PANK2: variants seen among roughly 807,000 people sequenced by gnomAD.
PANK2 encodes the protein pantothenate kinase 2.
In PANK2, 36 loss-of-function variants were observed where a neutral mutation model predicts 43.1. The observed-to-expected ratio is 0.84, with a 90% confidence interval of 0.64 to 1.10. The LOEUF (loss-of-function observed/expected upper bound fraction) is 1.10, where lower values mean the gene tolerates loss of function less well. Among genes scored for constraint, PANK2 ranks in the 50% least tolerant of loss-of-function variants. PANK2 has a pLI of 0.00. For synonymous variants in PANK2, 281 were observed against 238.2 expected, an observed-to-expected ratio of 1.18 and a Z score of -1.66; for missense variants, 576 against 593.3, an observed-to-expected ratio of 0.97 and a Z score of 0.30.
intron 6 of PANK2, 47 bp from the exon 7 acceptor site, chr20:3,923,197 A>G (rs778782322): frequency 6.2e-6 from 10 of 1,602,124 alleles, no homozygotes; most frequent in East Asian, 2.2e-5. Flanking sequence ...GGTGATTTGA[A>G]TAAGTCTAAG....
In PANK2 at chr20:3,907,952, G is replaced by A. The variant is rs1209839076; in HGVS notation, c.325G>A (p.Gly109Ser). 10 of 1,613,934 alleles carry A rather than the reference G, an allele frequency of 6.2e-6. No individual in the cohort carries two copies. The East Asian group carries it at 6.7e-5, about 11-fold the overall frequency. The change falls in exon 2 of 7, where the codon GGT (glycine) becomes AGT (serine). Residue 109 changes from glycine to serine, a missense_variant. Coordinates refer to ENST00000610179, the MANE Select transcript of PANK2 (RefSeq NM_001386393.1). ...TTTTCCATGGTTTGGACTGGATATC[G>A]GTGGAACTCTGGTCAAGCTGGTATA...
rs148299149 is a variant in PANK2, at chr20:3,894,982, T to C, written c.298+5254T>C. Among the ~76,000 whole-genome samples the C allele has an allele frequency of 4.6e-5, 7 of 152,238 alleles. No individual in the cohort carries two copies. The East Asian group carries it at 1.3e-3, about 29-fold the overall frequency. ...CATAGCAGGAAGAGATGTATGTTGT[T>C]AAAAATATTTTGCTGACTGTGTATG... On this transcript the variant is annotated intron_variant, in intron 1 of 6. Transcript: ENST00000610179.
chr20:3,908,389 A>G (rs919276714), intron 2 of PANK2, 111 bp downstream of exon 2: 38 of 1,075,094 alleles, frequency 3.5e-5, no homozygotes, highest in Non-Finnish European at 4.7e-5. Flanking sequence ...AATTTTCTTG[A>G]GTCAAATGAA....
chr20:3,928,002 T>C lies in PANK2; in HGVS notation c.*4708T>C, dbSNP rs1407416049. 2 of 152,180 alleles carry C rather than the reference T, an allele frequency of 1.3e-5. No individual in the cohort carries two copies. Among genetic ancestry groups the C allele is most frequent in the African/African-American group, 4.8e-5 (2 of 41,424 alleles). The allele number at this position is 152,180 out of a possible 1,614,324, so 9.4% of individuals were successfully genotyped here. A position where few individuals can be genotyped will look rare whatever the true frequency, so the allele number is the denominator to read the frequency against. On this transcript the variant is annotated 3_prime_UTR_variant, in exon 7 of 7. Transcript: ENST00000610179. ...TAAGGTTTACTACACAAGCCCCTCT[T>C]TTTCTTCTGATATCCCCACTCAAAT...
rs1197271966 is a variant in PANK2 at position 3,890,032 on chromosome 20, T to G, written c.298+304T>G. The G allele has an allele frequency of 5.1e-6, 5 of 971,764 alleles. No homozygotes were observed. In the Admixed American group the frequency reaches 8.8e-5, roughly 17 times the overall value. The allele number at this position is 971,764 out of a possible 1,614,324, so 60.2% of individuals were successfully genotyped here. Reference sequence around the variant, plus strand: ...ATTCTCTTCCTGAGGGTCACATGATTTTATCCTCGAGAAGGCTTCTTTTGA... The same window carrying G: ...ATTCTCTTCCTGAGGGTCACATGATGTTATCCTCGAGAAGGCTTCTTTTGA... On this transcript the variant is annotated intron_variant, in intron 1 of 6. Coordinates refer to ENST00000610179, the MANE Select transcript of PANK2 (RefSeq NM_001386393.1).
At chr20:3,894,225 C>G (rs546413335) in intron 1 of PANK2, among the ~76,000 whole-genome samples, 263 of 150,696 alleles carry the variant, frequency 1.7e-3, no homozygotes, top group Non-Finnish European at 3.2e-3. Context: ...GCCACCGTGC[C>G]TGACCGAAAA....
At chr20:3,921,403 T>C (rs2090645125) in intron 6 of PANK2, 1 of 152,188 alleles carries the variant, frequency 6.6e-6, no homozygotes, top group Non-Finnish European at 1.5e-5. Flanking sequence ...GATCCTTTAT[T>C]CTCATCTTAG....
chr20:3,902,301 T>C (rs1238725813), intron 1 of PANK2, among the ~76,000 whole-genome samples: 1 of 151,630 alleles, frequency 6.6e-6, no homozygotes. Flanking sequence ...CAAGTAGCTG[T>C]GACTACAGGT....
At chr20:3,889,824 G>A (rs999673855) in intron 1 of PANK2, 96 bp downstream of exon 1, 2 of 1,531,042 alleles carry the variant, frequency 1.3e-6, no homozygotes, top group Non-Finnish European at 1.7e-6. Context: ...TCCCGCGCGC[G>A]GACACTGTCC....
At chr20:3,910,888 A>G (rs2090458725) in intron 3 of PANK2, 58 bp downstream of exon 3, 12 of 1,595,840 alleles carry the variant, frequency 7.5e-6, no homozygotes, top group Middle Eastern at 3.3e-4. Context: ...CTGAGTTTTC[A>G]GGTATTACAT....
In PANK2 at chr20:3,901,145, C is replaced by G. The variant is rs556126485; in HGVS notation, c.299-6781C>G. Reference sequence around the variant, plus strand: ...TGTATCACAGCTCACTAGCCTCAAACTCTTGGGCTCAAGCGATCTTCCTGC... The same window carrying G: ...TGTATCACAGCTCACTAGCCTCAAAGTCTTGGGCTCAAGCGATCTTCCTGC... On this transcript the variant is annotated intron_variant, in intron 1 of 6. Transcript: ENST00000610179. Among the ~76,000 whole-genome samples, 99 of 151,900 alleles carry G rather than the reference C, an allele frequency of 6.5e-4. 1 individual carries two copies. The highest frequency in any genetic ancestry group is 1.2e-3 in the Non-Finnish European group (84 of 68,026).
chr20:3,900,561 G>A (rs2090285220), intron 1 of PANK2, among the ~76,000 whole-genome samples: 3 of 151,942 alleles, frequency 2.0e-5, no homozygotes, highest in Middle Eastern at 6.8e-3. Context: ...TGACTCCATT[G>A]TGGGTGATTT....
At chr20:3,918,643 A>T in intron 5 of PANK2, 28 bp from the exon 6 acceptor site, 1 of 1,613,966 alleles carries the variant, frequency 6.2e-7, no homozygotes, top group Middle Eastern at 1.6e-4. Flanking sequence ...TAAGATGAAA[A>T]CTAATTGCCT....
intron 1 of PANK2, among the ~76,000 whole-genome samples, chr20:3,893,385 T>C (rs2090154678): frequency 6.6e-6 from 1 of 152,184 alleles, no homozygotes; most frequent in Non-Finnish European, 1.5e-5. Context: ...GGTCTAAAAT[T>C]ATATTTTAAA....
intron 1 of PANK2, among the ~76,000 whole-genome samples, chr20:3,905,843 G>A (rs1429120118): frequency 1.3e-5 from 2 of 149,994 alleles, no homozygotes; most frequent in Non-Finnish European, 3.0e-5. Flanking sequence ...AGCCTCCTGA[G>A]TAGCTATGAT....
intron 1 of PANK2, among the ~76,000 whole-genome samples, chr20:3,894,837 C>T (rs2090179308): frequency 6.6e-6 from 1 of 152,134 alleles, no homozygotes; most frequent in Non-Finnish European, 1.5e-5. Flanking sequence ...TAAAAATCGT[C>T]CCCTTATGCA....
At position 3,903,508 on chromosome 20, in the gene PANK2, C is replaced by T. The variant is rs1047415337; in HGVS notation, c.299-4418C>T. 5.5e-5 allele frequency among the ~76,000 whole-genome samples: 8 copies of T among 144,792 alleles called. 1 individual carries two copies. The highest frequency in any genetic ancestry group is 4.3e-4 in the Admixed American group (6 of 14,012). 95.0% of individuals were successfully genotyped at this position (144,792 alleles called of 152,430 possible). A position where few individuals can be genotyped will look rare whatever the true frequency, so the allele number is the denominator to read the frequency against. ...TGAGACTGAGTTTTGCTCTTGTTGC[C>T]CAGGCTGGAGTGCAATGGCATGATC... On this transcript the variant is annotated intron_variant, in intron 1 of 6. Transcript: ENST00000610179.
At chr20:3,900,062 T>G (rs2090276525) in intron 1 of PANK2, among the ~76,000 whole-genome samples, 2 of 151,908 alleles carry the variant, frequency 1.3e-5, no homozygotes, top group African/African-American at 4.8e-5. Flanking sequence ...TCTTAATGCT[T>G]TTTTGTTTGT....
intron 1 of PANK2, chr20:3,889,947 C>T (rs1441528636): frequency 2.0e-6 from 3 of 1,526,166 alleles, no homozygotes; most frequent in African/African-American, 1.4e-5. Context: ...GCACTTCCCG[C>T]TTGTTGGAGT....
Sources: gnomAD v4.1 joint callset for allele counts (sites outside exome capture counted in the v4.1 genomes callset) on GRCh38, gnomAD v4.1.1 for gene constraint, MANE v1.5 for transcripts, NCBI Gene and HGNC (gene_info 2026-07-23, HGNC 2026-07-21) for gene names.